ZNF577: variants seen among roughly 807,000 people sequenced by gnomAD.
ZNF577 encodes zinc finger protein 577.
Under a neutral mutation model 13.9 loss-of-function variants are expected in ZNF577, and 14 were observed. The observed-to-expected ratio is 1.00, with a 90% CI of 0.66 to 1.57. The LOEUF (loss-of-function observed/expected upper bound fraction) is 1.57, where lower values mean the gene tolerates loss of function less well. ZNF577 is among the 40% of genes most tolerant of loss of function. The pLI, the probability that ZNF577 is intolerant of heterozygous loss-of-function variation, is 0.00. For missense variants in ZNF577, 555 were observed against 579.2 expected (o/e 0.96, Z 0.43); for synonymous variants, 203 against 202.9 (o/e 1.00, Z 0.00).
chr19:51,870,373 A>G lies in ZNF577; in HGVS notation c.*2159T>C, dbSNP rs1397719665. 1.3e-5 allele frequency among the ~76,000 whole-genome samples: 2 copies of G among 152,050 alleles called. No homozygotes were observed. The highest frequency in any genetic ancestry group is 1.3e-4 in the Admixed American group (2 of 15,268). On this transcript the variant is annotated 3_prime_UTR_variant, in exon 6 of 6. Transcript: ENST00000638348. Reference sequence around the variant, plus strand: ...TTAGTCTCTGTTTGGAAAATTGCTAACTTACTTGGAAAGTATGGCCTTTTC... The same window carrying G: ...TTAGTCTCTGTTTGGAAAATTGCTAGCTTACTTGGAAAGTATGGCCTTTTC...
chr19:51,856,782 T>G (rs1297287746), intron 5 of ZNF577, among the ~76,000 whole-genome samples: 1 of 151,980 alleles, frequency 6.6e-6, no homozygotes, highest in African/African-American at 2.4e-5. Context: ...ATATACTGCA[T>G]GAAAGGTGGT....
chr19:51,806,588 C>G (rs1302260158), intron 10 of ZNF577, among the ~76,000 whole-genome samples: 5 of 152,154 alleles, frequency 3.3e-5, no homozygotes, highest in Non-Finnish European at 7.4e-5. Flanking sequence ...TTCTATAATG[C>G]CTTGTCCTCT....
At chr19:51,847,308 G>A (rs1316327048) in intron 5 of ZNF577, among the ~76,000 whole-genome samples, 2 of 152,136 alleles carry the variant, frequency 1.3e-5, no homozygotes, top group Non-Finnish European at 2.9e-5. Flanking sequence ...CCAAATGTCT[G>A]TACAGCTGAG....
rs993910033 is a variant in ZNF577 at position 51,887,507 on chromosome 19, A to C, written c.-905T>G. Reference sequence around the variant, plus strand: ...CAGAATATACAGCAGCAGGGAAGCAAGGGGACCAGCAGACCCCTTTTTAAG... The same window carrying C: ...CAGAATATACAGCAGCAGGGAAGCACGGGGACCAGCAGACCCCTTTTTAAG... On this transcript the variant is annotated 5_prime_UTR_variant, in exon 1 of 6. Transcript: ENST00000638348. 7 of 152,216 alleles carry C rather than the reference A, an allele frequency of 4.6e-5. No individual in the cohort carries two copies. The highest frequency in any genetic ancestry group is 1.7e-4 in the African/African-American group (7 of 41,436). The allele number at this position is 152,216 out of a possible 1,614,324, so 9.4% of individuals were successfully genotyped here.
At position 51,869,000 on chromosome 19, in the gene ZNF577, G is replaced by T. The variant is rs554977492; in HGVS notation, c.*3532C>A. Among the ~76,000 whole-genome samples the T allele has an allele frequency of 1.9e-4, 29 of 152,126 alleles. No homozygotes were observed. The highest frequency in any genetic ancestry group is 6.5e-4 in the African/African-American group (27 of 41,376). On this transcript the variant is annotated 3_prime_UTR_variant, in exon 6 of 6. Transcript: ENST00000638348. ...CGAGTACCCAGGGACACAATGCACT[G>T]CGGAAGGCCGCAGGGACCTCTGCCC... is the stretch of plus-strand genomic sequence containing the variant.
rs764320241 is a variant in ZNF577 at position 51,873,258 on chromosome 19, G to A, written c.732C>T (p.Cys244=). Residue 244 remains cysteine, a synonymous_variant, in exon 6 of 6, where the codon TGC becomes TGT. Transcript: ENST00000638348. ...GGCTGAAGGCTTTTCCGCATTTGCT[G>A]CATCTGTAGGGTTTCTCTCCTGTAT... ...RTHTGEKPYR[C]SKCGKAFSRK... is the part of the protein sequence containing the mutation. The A allele has an allele frequency of 3.0e-5, 48 of 1,612,880 alleles. No homozygotes were observed. The highest frequency in any genetic ancestry group is 3.8e-5 in the Non-Finnish European group (45 of 1,179,102).
At chr19:51,879,475 A>G (rs1218709973) in intron 3 of ZNF577, among the ~76,000 whole-genome samples, 4 of 151,950 alleles carry the variant, frequency 2.6e-5, no homozygotes, top group Non-Finnish European at 5.9e-5. Flanking sequence ...AGGCTGAGGC[A>G]GGAGAATTGC....
At chr19:51,841,741 A>G (rs1247708520) in intron 8 of ZNF577, among the ~76,000 whole-genome samples, 1 of 152,224 alleles carries the variant, frequency 6.6e-6, no homozygotes, top group Non-Finnish European at 1.5e-5. Flanking sequence ...CAACATGGTG[A>G]AACCTCATCT....
intron 9 of ZNF577, among the ~76,000 whole-genome samples, chr19:51,833,282 CTTA>C (rs2084269899): frequency 2.0e-5 from 1 of 50,810 alleles, no homozygotes; most frequent in African/African-American, 7.8e-5. Flanking sequence ...CGGGAATCAT[CTTA>C]TTTGTTTCCC....
At chr19:51,859,530 C>T (rs2084474844) in intron 5 of ZNF577, among the ~76,000 whole-genome samples, 4 of 152,094 alleles carry the variant, frequency 2.6e-5, no homozygotes, top group Admixed American at 2.6e-4. Flanking sequence ...TCTTCCATTA[C>T]TCTAATGTGT....
chr19:51,872,779 A>G lies in ZNF577; in HGVS notation c.1211T>C (p.Ile404Thr), dbSNP rs146682852. The G allele has an allele frequency of 8.7e-6, 14 of 1,614,074 alleles. No individual in the cohort carries two copies. In the Admixed American group the frequency reaches 1.2e-4, roughly 13 times the overall value. The change falls in exon 6 of 6, where the codon ATA becomes ACA. Residue 404 changes from isoleucine to threonine, a missense_variant. By Grantham distance (89) the Ile-to-Thr change is moderately conservative. Coordinates refer to ENST00000638348, the MANE Select transcript of ZNF577 (RefSeq NM_001370449.1). Reference protein sequence around the residue: ...SHTSLYMSELIQEQKTVNTVP... With the variant: ...SHTSLYMSELTQEQKTVNTVP... ...TGTGTTCACAGTCTTTTGCTCTTGT[A>G]TGAGTTCGCTCATGTATAAGGAGGT...
chr19:51,876,926 CA>C (rs536127907), intron 5 of ZNF577, among the ~76,000 whole-genome samples: 3,087 of 60,846 alleles, frequency 0.051, 85 homozygotes, highest in African/African-American at 0.15. Context: ...GACTCCGTCT[CA>C]AAAAAAAAAA....
intron 5 of ZNF577, among the ~76,000 whole-genome samples, chr19:51,845,582 C>A (rs1187580940): frequency 2.0e-5 from 3 of 152,126 alleles, no homozygotes; most frequent in African/African-American, 4.8e-5. Flanking sequence ...AAGTTCATGT[C>A]TTATCTAACT....
At chr19:51,866,998 G>GAAGGA (rs201597718), downstream of ZNF577, among the ~76,000 whole-genome samples, 40,324 of 151,206 alleles carry the variant, frequency 0.27, 7,576 homozygotes, top group African/African-American at 0.52. Flanking sequence ...GAGAGAAAAG[G>GAAGGA]AAGAAGGAAA....
intron 9 of ZNF577, chr19:51,823,990 G>T: frequency 6.2e-7 from 1 of 1,614,024 alleles, no homozygotes; most frequent in Admixed American, 1.7e-5. Context: ...CTACCATTCC[G>T]AATGGTCTCA....
intron 9 of ZNF577, among the ~76,000 whole-genome samples, chr19:51,836,464 A>T (rs56983639): frequency 0.073 from 11,114 of 152,166 alleles, 1,206 homozygotes; most frequent in African/African-American, 0.24. Context: ...ACGATTTGTG[A>T]TGTTTGGCTT....
chr19:51,843,622 A>T (rs1486260820), intron 6 of ZNF577, among the ~76,000 whole-genome samples: 1 of 152,242 alleles, frequency 6.6e-6, no homozygotes, highest in African/African-American at 2.4e-5. Context: ...CATTATACAT[A>T]TTACAATAAA....
intron 3 of ZNF577, among the ~76,000 whole-genome samples, chr19:51,879,223 C>T (rs1426247166): frequency 6.7e-6 from 1 of 148,536 alleles, no homozygotes; most frequent in Non-Finnish European, 1.5e-5. Flanking sequence ...CGCCACTGCA[C>T]TGCAGCCTGG....
intron 9 of ZNF577, among the ~76,000 whole-genome samples, chr19:51,833,366 T>C (rs1182510832): frequency 6.6e-6 from 1 of 152,212 alleles, no homozygotes; most frequent in Non-Finnish European, 1.5e-5. Flanking sequence ...CCATTTTCCC[T>C]AGATTTTTAG....
Sources: allele counts gnomAD v4.1 joint callset (sites outside exome capture counted in the v4.1 genomes callset), GRCh38; gene constraint gnomAD v4.1.1; transcripts MANE v1.5; gene names NCBI Gene and HGNC (gene_info 2026-07-23, HGNC 2026-07-21).